The following ALX4 variants were observed in gnomAD, a reference collection of about 807,000 sequenced individuals.
The protein encoded by ALX4 is homeobox protein aristaless-like 4.
ALX4 carries 22 observed loss-of-function variants against 40.6 expected under a neutral mutation model. The ratio of observed to expected loss-of-function variants is 0.54; its 90% CI spans 0.39 to 0.77. The LOEUF (loss-of-function observed/expected upper bound fraction) is 0.77. ALX4 is among the 30% of genes least tolerant of loss of function. The probability of loss-of-function intolerance (pLI) is 0.00; values close to 1 mark genes in which losing one functional copy is unlikely to be tolerated. For missense variants in ALX4, 556 were observed against 564.8 expected (o/e 0.98, Z 0.16); for synonymous variants, 266 against 240.5 (o/e 1.11, Z -0.98).
chr11:44,309,558 C>A (rs1406577979), intron 1 of ALX4, 39 bp downstream of exon 1: 5 of 1,546,094 alleles, frequency 3.2e-6, no homozygotes, highest in Non-Finnish European at 4.3e-6. Context: ...CCAAGCACCC[C>A]GTGGTCCCCA....
At chr11:44,300,728 A>T (rs1264117656) in intron 1 of ALX4, among the ~76,000 whole-genome samples, 4 of 152,210 alleles carry the variant, frequency 2.6e-5, no homozygotes, top group Non-Finnish European at 4.4e-5. Context: ...GCACTAGAGA[A>T]GTAAGGGGGC....
At position 44,309,630 on chromosome 11, in the gene ALX4, C is replaced by T; in HGVS notation, c.433G>A (p.Gly145Ser). 1 of 1,590,964 alleles carries T rather than the reference C, an allele frequency of 6.3e-7. No homozygotes were observed. Among genetic ancestry groups the T allele is most frequent in the Non-Finnish European group, 8.5e-7 (1 of 1,175,896 alleles). Reference protein sequence around the residue: ...GSLKLQEGSSGHSAALQVPCY... With the variant: ...GSLKLQEGSSSHSAALQVPCY... Reference sequence around the variant, plus strand: ...GGAACCTGCAAGGCCGCGCTGTGGCCGCTGCTGCCTTCCTGGAGTTTGAGG... The same window carrying T: ...GGAACCTGCAAGGCCGCGCTGTGGCTGCTGCTGCCTTCCTGGAGTTTGAGG... Residue 145 changes from glycine (G) to serine (S), a missense_variant, in exon 1 of 4, where the codon GGC (glycine) becomes AGC (serine). Gly to Ser is a moderately conservative substitution (Grantham distance 56). Coordinates refer to ENST00000652299, the MANE Select transcript of ALX4 (RefSeq NM_021926.4).
rs1565007535 is a variant in ALX4, at chr11:44,293,165, AAGGAAG to A, written c.466+16426_466+16431del. Reference sequence around the variant, plus strand: ...GAAGGAAGGAAGGAAGGAAGGAAGGAAGGAAGCAGGCAGGCAGGGAGGGAGGGAGGG... The same window carrying A: ...GAAGGAAGGAAGGAAGGAAGGAAGGACAGGCAGGCAGGGAGGGAGGGAGGG... On this transcript the variant is annotated intron_variant, in intron 1 of 3. Transcript: ENST00000652299. Among the ~76,000 whole-genome samples the A allele has an allele frequency of 1.3e-3, 24 of 18,354 alleles. 1 individual carries two copies. Among genetic ancestry groups the A allele is most frequent in the Non-Finnish European group, 2.1e-3 (19 of 8,846 alleles). 12.0% of individuals were successfully genotyped at this position (18,354 alleles called of 152,430 possible).
At chr11:44,300,729 G>A in intron 1 of ALX4, among the ~76,000 whole-genome samples, 1 of 152,242 alleles carries the variant, frequency 6.6e-6, no homozygotes, top group South Asian at 2.1e-4. Flanking sequence ...CACTAGAGAA[G>A]TAAGGGGGCT....
Position 44,310,121 on chromosome 11 carries a change from G to C in ALX4, c.-59C>G. Reference sequence around the variant, plus strand: ...AGCGAGGGCGCGAGGACGCCACCGCGCGCCTTGGCTGGGAGTTTGGGGAGG... The same window carrying C: ...AGCGAGGGCGCGAGGACGCCACCGCCCGCCTTGGCTGGGAGTTTGGGGAGG... On this transcript the variant is annotated 5_prime_UTR_variant, in exon 1 of 4. Coordinates refer to ENST00000652299, the MANE Select transcript of ALX4 (RefSeq NM_021926.4). 1 of 1,518,546 alleles carries C rather than the reference G, an allele frequency of 6.6e-7. No individual in the cohort carries two copies. The highest frequency in any genetic ancestry group is 8.8e-7 in the Non-Finnish European group (1 of 1,130,278). 94.1% of individuals were successfully genotyped at this position (1,518,546 alleles called of 1,614,324 possible).
chr11:44,305,744 C>G (rs926025076), intron 1 of ALX4, among the ~76,000 whole-genome samples: 1 of 152,254 alleles, frequency 6.6e-6, no homozygotes, highest in South Asian at 2.1e-4. Context: ...CAACCTGGCC[C>G]GCGCCTCCCC....
At chr11:44,272,476 C>A (rs1956253968) in intron 2 of ALX4, among the ~76,000 whole-genome samples, 1 of 148,722 alleles carries the variant, frequency 6.7e-6, no homozygotes, top group Non-Finnish European at 1.5e-5. Flanking sequence ...TGCACTCCAG[C>A]CTGGGCGACA....
At chr11:44,296,218 T>A (rs916846586) in intron 1 of ALX4, among the ~76,000 whole-genome samples, 18 of 152,238 alleles carry the variant, frequency 1.2e-4, no homozygotes, top group African/African-American at 4.1e-4. Context: ...AAAAGGGCCA[T>A]CTTTTCTACA....
At chr11:44,276,580 C>G (rs971079796) in intron 1 of ALX4, among the ~76,000 whole-genome samples, 1 of 152,222 alleles carries the variant, frequency 6.6e-6, no homozygotes, top group African/African-American at 2.4e-5. Flanking sequence ...AGCCACTTTA[C>G]CACCACACAG....
At chr11:44,309,327 G>A (rs1956491020) in intron 1 of ALX4, among the ~76,000 whole-genome samples, 1 of 152,206 alleles carries the variant, frequency 6.6e-6, no homozygotes, top group Non-Finnish European at 1.5e-5. Context: ...CGCAAAGCGA[G>A]CGGTTTGGGG....
chr11:44,304,359 G>C (rs1259585326), intron 1 of ALX4, among the ~76,000 whole-genome samples: 2 of 152,216 alleles, frequency 1.3e-5, no homozygotes, highest in Non-Finnish European at 2.9e-5. Flanking sequence ...CAGGGGTTTG[G>C]GGGGCTAAGG....
At chr11:44,279,598 C>T (rs1406215328) in intron 1 of ALX4, among the ~76,000 whole-genome samples, 1 of 152,216 alleles carries the variant, frequency 6.6e-6, no homozygotes, top group Admixed American at 6.5e-5. Flanking sequence ...CTGCTCCTGA[C>T]CAAAGGAAAC....
intron 1 of ALX4, among the ~76,000 whole-genome samples, chr11:44,280,902 C>T (rs2119824529): frequency 6.6e-6 from 1 of 152,360 alleles, no homozygotes; most frequent in South Asian, 2.1e-4. Flanking sequence ...GACCCCCGTA[C>T]CACTGGGAGC....
intron 1 of ALX4, among the ~76,000 whole-genome samples, chr11:44,293,646 C>T (rs927544021): frequency 1.3e-5 from 2 of 152,244 alleles, no homozygotes; most frequent in Non-Finnish European, 2.9e-5. Flanking sequence ...TGCATTAATA[C>T]AGCAGAGCTT....
intron 2 of ALX4, among the ~76,000 whole-genome samples, chr11:44,271,800 G>A (rs1283324612): frequency 6.6e-6 from 1 of 152,134 alleles, no homozygotes; most frequent in Non-Finnish European, 1.5e-5. Flanking sequence ...TTCATGTTTT[G>A]TACTCAAGGC....
At chr11:44,265,834 C>T (rs937034022) in intron 3 of ALX4, among the ~76,000 whole-genome samples, 2 of 152,128 alleles carry the variant, frequency 1.3e-5, no homozygotes, top group Non-Finnish European at 2.9e-5. Flanking sequence ...GCCAAAGGGG[C>T]GAGGGCATGT....
At chr11:44,303,537 G>A (rs1400557846) in intron 1 of ALX4, among the ~76,000 whole-genome samples, 2 of 152,154 alleles carry the variant, frequency 1.3e-5, no homozygotes, top group African/African-American at 2.4e-5. Flanking sequence ...ACCGGTCCGC[G>A]GCCCTGAGTA....
chr11:44,289,853 C>T (rs1182852475), intron 1 of ALX4, among the ~76,000 whole-genome samples: 1 of 152,176 alleles, frequency 6.6e-6, no homozygotes, highest in Non-Finnish European at 1.5e-5. Flanking sequence ...TCCCCAAGCT[C>T]CATCTCATGG....
intron 1 of ALX4, among the ~76,000 whole-genome samples, chr11:44,279,607 A>T (rs1363550497): frequency 1.3e-5 from 2 of 152,138 alleles, no homozygotes; most frequent in Non-Finnish European, 2.9e-5. Flanking sequence ...ACCAAAGGAA[A>T]CCACTGACCT....
Sources: gnomAD v4.1 joint callset for allele counts (sites outside exome capture counted in the v4.1 genomes callset) on GRCh38, gnomAD v4.1.1 for gene constraint, MANE v1.5 for transcripts, NCBI Gene and HGNC (gene_info 2026-07-23, HGNC 2026-07-21) for gene names.